The following RANBP2 variants were observed in gnomAD, a reference collection of about 807,000 sequenced individuals.
The protein encoded by RANBP2 is RAN binding protein 2.
A neutral mutation model predicts 303.6 loss-of-function variants in RANBP2; 57 were observed. The observed-to-expected ratio is 0.19, with a 90% CI of 0.15 to 0.23. The LOEUF (loss-of-function observed/expected upper bound fraction) is 0.23. RANBP2 is among the 10% of genes least tolerant of loss of function. RANBP2 has a pLI of 1.00. For missense variants in RANBP2, 3,138 were observed against 3,780.8 expected, an observed-to-expected ratio of 0.83 and a Z score of 4.46; for synonymous variants, 1,167 against 1,301.5, an observed-to-expected ratio of 0.90 and a Z score of 2.23.
At chr2:109,323,425 C>T in the RANBP2 span, among the ~76,000 whole-genome samples, 2 of 152,228 alleles carry the variant, frequency 1.3e-5, no homozygotes, top group African/African-American at 4.8e-5. Flanking sequence ...CACATATGCA[C>T]ATACTATCCC....
chr2:109,195,001 C>A, the RANBP2 span, among the ~76,000 whole-genome samples: 2 of 152,090 alleles, frequency 1.3e-5, no homozygotes, highest in African/African-American at 2.4e-5. Flanking sequence ...TTTGAGAACA[C>A]ACAGCTTTTT....
chr2:108,786,520 C>T (rs1305161083), downstream of RANBP2, among the ~76,000 whole-genome samples: 1 of 152,202 alleles, frequency 6.6e-6, no homozygotes, highest in Non-Finnish European at 1.5e-5. Flanking sequence ...GAGCGGAGCG[C>T]TGCAGGCAGG....
At chr2:109,443,015 G>A in the RANBP2 span, among the ~76,000 whole-genome samples, 2,500 of 152,244 alleles carry the variant, frequency 0.016, 66 homozygotes, top group African/African-American at 0.056. Context: ...AAAAGTGAAG[G>A]GATGGAACAA....
the RANBP2 span, among the ~76,000 whole-genome samples, chr2:109,290,401 C>T: frequency 6.6e-6 from 1 of 152,162 alleles, no homozygotes; most frequent in Non-Finnish European, 1.5e-5. Context: ...ACTCAAAGTC[C>T]CTTCAACCTG....
At chr2:109,133,599 C>T in the RANBP2 span, among the ~76,000 whole-genome samples, 3 of 152,082 alleles carry the variant, frequency 2.0e-5, no homozygotes, top group East Asian at 1.9e-4. Flanking sequence ...CTGAATAGAG[C>T]GTCATTTAGA....
the RANBP2 span, among the ~76,000 whole-genome samples, chr2:109,414,972 T>C: frequency 6.6e-6 from 1 of 152,066 alleles, no homozygotes; most frequent in African/African-American, 2.4e-5. Context: ...TGCTCCTGGA[T>C]CACCTGGGCC....
chr2:108,743,259 A>G (rs1156418503), intron 7 of RANBP2, among the ~76,000 whole-genome samples: 1 of 151,994 alleles, frequency 6.6e-6, no homozygotes, highest in Non-Finnish European at 1.5e-5. Flanking sequence ...GCTACTATGC[A>G]CAGCCTAAAA....
chr2:109,462,874 A>G, the RANBP2 span, among the ~76,000 whole-genome samples: 2 of 152,190 alleles, frequency 1.3e-5, no homozygotes, highest in Non-Finnish European at 2.9e-5. Flanking sequence ...GGCAGACCAT[A>G]GTGACATTTG....
At chr2:109,338,410 T>C in the RANBP2 span, among the ~76,000 whole-genome samples, 1 of 151,896 alleles carries the variant, frequency 6.6e-6, no homozygotes, top group Non-Finnish European at 1.5e-5. Flanking sequence ...CTTTTGTCAT[T>C]TGAGCCAGAT....
At chr2:109,389,476 A>G in the RANBP2 span, among the ~76,000 whole-genome samples, 1 of 152,190 alleles carries the variant, frequency 6.6e-6, no homozygotes, top group African/African-American at 2.4e-5. Flanking sequence ...AGCTACTTCC[A>G]TACCACATGG....
the RANBP2 span, among the ~76,000 whole-genome samples, chr2:109,588,497 T>C: frequency 3.3e-5 from 5 of 152,116 alleles, no homozygotes; most frequent in East Asian, 7.7e-4. Flanking sequence ...GTGTTATATA[T>C]ACAAATTTTT....
At chr2:108,911,556 C>CA in the RANBP2 span, among the ~76,000 whole-genome samples, 1 of 152,230 alleles carries the variant, frequency 6.6e-6, no homozygotes, top group South Asian at 2.1e-4. Context: ...CCCCAGGGCA[C>CA]AGGGGGTGCC....
the RANBP2 span, among the ~76,000 whole-genome samples, chr2:109,245,055 C>A: frequency 1.3e-5 from 2 of 152,142 alleles, no homozygotes; most frequent in African/African-American, 4.8e-5. Context: ...GTTGTCTGGG[C>A]AGCCTTGTGC....
At chr2:108,911,851 C>A in the RANBP2 span, among the ~76,000 whole-genome samples, 2 of 152,306 alleles carry the variant, frequency 1.3e-5, no homozygotes, top group African/African-American at 4.8e-5. Context: ...GGGCGCTGAG[C>A]CTCCCCTGTG....
the RANBP2 span, chr2:109,347,840 A>G: frequency 3.1e-6 from 5 of 1,613,946 alleles, no homozygotes; most frequent in Non-Finnish European, 4.2e-6. Flanking sequence ...CCAGCCAGCT[A>G]TATCCAGTGC....
At chr2:109,211,858 G>A in the RANBP2 span, among the ~76,000 whole-genome samples, 5 of 152,174 alleles carry the variant, frequency 3.3e-5, no homozygotes, top group South Asian at 1.0e-3. Flanking sequence ...GGCCAGGCTG[G>A]TTTCAAACTC....
At chr2:109,699,178 A>C in the RANBP2 span, among the ~76,000 whole-genome samples, 8 of 152,156 alleles carry the variant, frequency 5.3e-5, no homozygotes, top group Non-Finnish European at 7.3e-5. Flanking sequence ...ATGCCTGTGG[A>C]ATGTCATTCC....
the RANBP2 span, among the ~76,000 whole-genome samples, chr2:108,969,542 T>A: frequency 2.0e-5 from 3 of 152,382 alleles, no homozygotes; most frequent in South Asian, 6.2e-4. Flanking sequence ...TTATATGCTA[T>A]TCAGGGAGGG....
At chr2:109,306,271 A>G in the RANBP2 span, among the ~76,000 whole-genome samples, 1 of 152,154 alleles carries the variant, frequency 6.6e-6, no homozygotes, top group Non-Finnish European at 1.5e-5. Context: ...TGAGGGGTGG[A>G]TAGAGGGGTG....
Sources: gnomAD v4.1 joint callset for allele counts (sites outside exome capture counted in the v4.1 genomes callset) on GRCh38, gnomAD v4.1.1 for gene constraint, MANE v1.5 for transcripts, NCBI Gene and HGNC (gene_info 2026-07-23, HGNC 2026-07-21) for gene names.